Variants in OPHN1 observed in about 807,000 individuals in gnomAD.
The protein encoded by OPHN1 is oligophrenin 1.
Under a neutral mutation model 60.7 loss-of-function variants are expected in OPHN1, and 11 were observed. The observed-to-expected ratio is 0.18, with a 90% CI of 0.11 to 0.30. The LOEUF is 0.30. OPHN1 is among the 10% of genes least tolerant of loss of function. OPHN1 has a pLI of 1.00. For missense variants in OPHN1, 449 were observed against 611.0 expected, an observed-to-expected ratio of 0.73 and a Z score of 2.80; for synonymous variants, 226 against 222.6, an observed-to-expected ratio of 1.02 and a Z score of -0.14.
chrX:68,353,255 A>G (rs373551065), intron 2 of OPHN1, among the ~76,000 whole-genome samples: 13 of 109,136 alleles, frequency 1.2e-4, no homozygotes, highest in Non-Finnish European at 1.1e-4. Flanking sequence ...TTCATATACC[A>G]TAAAATTCAC....
chrX:68,283,133 C>T lies in OPHN1; in HGVS notation c.251-16G>A, dbSNP rs1168020746. ...AAGGATTCAGCTGGAAGGAGAGAATCAAATGTAAAACAAATTAATCATGGT... is the reference window on the plus strand; with the variant it reads ...AAGGATTCAGCTGGAAGGAGAGAATTAAATGTAAAACAAATTAATCATGGT... On this transcript the variant is annotated splice_polypyrimidine_tract_variant and intron_variant, in intron 3 of 24. Coordinates refer to ENST00000355520, the MANE Select transcript of OPHN1 (RefSeq NM_002547.3). 7 of 1,175,671 alleles carry T rather than the reference C, an allele frequency of 6.0e-6. No homozygotes were observed. Among genetic ancestry groups the T allele is most frequent in the Non-Finnish European group, 8.1e-6 (7 of 863,517 alleles).
chrX:68,294,750 C>T (rs1268594423), intron 3 of OPHN1, among the ~76,000 whole-genome samples: 1 of 111,411 alleles, frequency 9.0e-6, no homozygotes, highest in African/African-American at 3.3e-5. Flanking sequence ...ACATCCCTAC[C>T]TCTGGATCTC....
intron 2 of OPHN1, among the ~76,000 whole-genome samples, chrX:68,407,089 A>G (rs752450173): frequency 1.0e-3 from 118 of 112,381 alleles, no homozygotes; most frequent in African/African-American, 3.0e-3. Context: ...CTGTAATCTC[A>G]TCTACTCAGG....
chrX:68,398,256 A>C (rs1387655168), intron 2 of OPHN1, among the ~76,000 whole-genome samples: 1 of 112,046 alleles, frequency 8.9e-6, no homozygotes, highest in African/African-American at 3.2e-5. Flanking sequence ...CAATGGTAGA[A>C]AGGCCCACCT....
At chrX:68,106,034 G>C (rs775234228) in intron 18 of OPHN1, among the ~76,000 whole-genome samples, 1 of 102,388 alleles carries the variant, frequency 9.8e-6, no homozygotes, top group East Asian at 3.1e-4. Flanking sequence ...ATGCAAACAG[G>C]TATGTGTATA....
At chrX:68,432,012 G>A (rs2078888299) in intron 2 of OPHN1, among the ~76,000 whole-genome samples, 1 of 110,225 alleles carries the variant, frequency 9.1e-6, no homozygotes, top group South Asian at 3.9e-4. Context: ...TCTCGTTGGG[G>A]ATGTTTATTA....
At chrX:68,171,336 G>A (rs2077390163) in intron 15 of OPHN1, among the ~76,000 whole-genome samples, 1 of 111,129 alleles carries the variant, frequency 9.0e-6, no homozygotes, top group Admixed American at 9.6e-5. Flanking sequence ...AAGAAAGAAA[G>A]AGAAAATGAA....
chrX:68,222,478 A>G (rs1260989264), intron 6 of OPHN1, among the ~76,000 whole-genome samples: 5 of 103,361 alleles, frequency 4.8e-5, no homozygotes, highest in African/African-American at 1.8e-4. Context: ...ACACATGCAC[A>G]CGTATGTTTA....
At chrX:68,291,346 A>G (rs972171039) in intron 3 of OPHN1, among the ~76,000 whole-genome samples, 2 of 112,207 alleles carry the variant, frequency 1.8e-5, no homozygotes, top group African/African-American at 6.5e-5. Context: ...TAGATCTCTC[A>G]ACAAATAGGA....
intron 15 of OPHN1, among the ~76,000 whole-genome samples, chrX:68,155,001 T>C (rs1317016121): frequency 9.2e-6 from 1 of 109,207 alleles, no homozygotes; most frequent in Non-Finnish European, 1.9e-5. Context: ...ACAAAAAGCA[T>C]GCTAGAGGGT....
intron 5 of OPHN1, among the ~76,000 whole-genome samples, chrX:68,246,975 A>G (rs1260400368): frequency 8.9e-6 from 1 of 111,735 alleles, no homozygotes; most frequent in Non-Finnish European, 1.9e-5. Flanking sequence ...AAAGCGTTCC[A>G]TATCAACTAC....
At chrX:68,136,429 G>A (rs1047792787) in intron 15 of OPHN1, among the ~76,000 whole-genome samples, 2 of 103,724 alleles carry the variant, frequency 1.9e-5, no homozygotes, top group Non-Finnish European at 3.9e-5. Context: ...TCAGCCTCCC[G>A]AGTAGCTGGG....
chrX:68,433,124 G>C (rs766447969), intron 1 of OPHN1, 44 bp downstream of exon 1: 11 of 822,920 alleles, frequency 1.3e-5, no homozygotes, highest in Non-Finnish European at 1.9e-5. Context: ...CGCGCGACCC[G>C]CTTAAGGAAG....
At chrX:68,071,848 T>G (rs2076936020) in intron 20 of OPHN1, 1 of 346,177 alleles carries the variant, frequency 2.9e-6, no homozygotes, top group African/African-American at 2.6e-5. Flanking sequence ...TGCAGAATCC[T>G]GATTTCCATA....
intron 15 of OPHN1, among the ~76,000 whole-genome samples, chrX:68,157,977 C>A (rs1228737305): frequency 9.0e-6 from 1 of 111,296 alleles, no homozygotes; most frequent in African/African-American, 3.3e-5. Flanking sequence ...GAGACGGAGT[C>A]TCGCTCTGTT....
intron 10 of OPHN1, among the ~76,000 whole-genome samples, chrX:68,204,821 T>C (rs1313361426): frequency 8.9e-6 from 1 of 111,733 alleles, no homozygotes; most frequent in Non-Finnish European, 1.9e-5. Context: ...CAGGAGGATA[T>C]GAAAGTGGTA....
Position 68,432,976 on chromosome X carries a change from G to A in OPHN1, c.45C>T (p.Ser15=), listed in dbSNP as rs754237768. 3.3e-6 allele frequency: 4 copies of A among 1,210,901 alleles called. No homozygotes were observed. The highest frequency in any genetic ancestry group is 3.0e-5 in the East Asian group (1 of 33,840). ...ACTTGAGCCTCTCGCGGAAATCGGG[G>A]CTGTCCAGGTAGCAGTCGCTGAACT... ...PLEFSDCYLD[S]PDFRERLKCY... is the part of the protein sequence containing the mutation. The change falls in exon 2 of 25, where the codon AGC becomes AGT. Residue 15 remains serine, a synonymous_variant. Coordinates refer to ENST00000355520, the MANE Select transcript of OPHN1 (RefSeq NM_002547.3).
At chrX:68,150,516 C>A (rs2077281331) in intron 15 of OPHN1, among the ~76,000 whole-genome samples, 1 of 111,552 alleles carries the variant, frequency 9.0e-6, no homozygotes, top group South Asian at 3.8e-4. Flanking sequence ...AAGATATTAA[C>A]AATTAAACCT....
In OPHN1 at chrX:68,332,034, C is replaced by CATAA. The variant is rs751574373; in HGVS notation, c.155-32942_155-32939dup. Among the ~76,000 whole-genome samples the CATAA allele has an allele frequency of 6.5e-3, 710 of 108,470 alleles. 4 individuals are homozygous for CATAA. The highest frequency in any genetic ancestry group is 0.019 in the Middle Eastern group (4 of 210). The allele number at this position is 108,470 out of a possible 115,157, so 94.2% of individuals were successfully genotyped here. A position where few individuals can be genotyped will look rare whatever the true frequency, so the allele number is the denominator to read the frequency against. ...CTGGTGACACAGTGAGACTCTGTCT[C>CATAA]ATAAATAAATAAATAAATAAATAAA... is the stretch of plus-strand genomic sequence containing the variant. On this transcript the variant is annotated intron_variant, in intron 2 of 24. Coordinates refer to ENST00000355520, the MANE Select transcript of OPHN1 (RefSeq NM_002547.3).
Sources: allele counts gnomAD v4.1 joint callset (sites outside exome capture counted in the v4.1 genomes callset), GRCh38; gene constraint gnomAD v4.1.1; transcripts MANE v1.5; gene names NCBI Gene and HGNC (gene_info 2026-07-23, HGNC 2026-07-21).